The following ROBO2 variants were observed in gnomAD, a reference collection of about 807,000 sequenced individuals.
The protein encoded by ROBO2 is roundabout guidance receptor 2.
ROBO2 carries 53 observed loss-of-function variants against 160.8 expected under a neutral mutation model. The observed-to-expected ratio is 0.33, with a 90% CI of 0.26 to 0.41. The LOEUF is 0.41. Among genes scored for constraint, ROBO2 ranks in the 10% least tolerant of loss-of-function variants. The pLI, the probability that ROBO2 is intolerant of heterozygous loss-of-function variation, is 1.00. For synonymous variants in ROBO2, 664 were observed against 611.7 expected, an observed-to-expected ratio of 1.09 and a Z score of -1.26; for missense variants, 1,577 against 1,722.4, an observed-to-expected ratio of 0.92 and a Z score of 1.49.
rs1365567906 is a variant in ROBO2 at position 76,811,220 on chromosome 3, A to G, written c.110-286794A>G. ...TTGTGGTTGGATGATTTTGAGATAT[A>G]GAGTACTTGGTGAATGTCCAGCTTT... is the stretch of plus-strand genomic sequence containing the variant. On this transcript the variant is annotated intron_variant, in intron 2 of 26. Coordinates refer to the ROBO2 transcript ENST00000487694. Among the ~76,000 whole-genome samples the G allele has an allele frequency of 1.3e-5, 2 of 152,184 alleles. 1 individual carries two copies. The highest frequency in any genetic ancestry group is 4.1e-4 in the South Asian group (2 of 4,832).
At chr3:77,474,390 A>G (rs754483415) in intron 2 of ROBO2, among the ~76,000 whole-genome samples, 6 of 152,174 alleles carry the variant, frequency 3.9e-5, no homozygotes, top group Non-Finnish European at 8.8e-5. Flanking sequence ...GAAACATCAG[A>G]GGCAAAGGGG....
At chr3:76,208,839 C>T (rs1235954910) in intron 2 of ROBO2, among the ~76,000 whole-genome samples, 1 of 152,086 alleles carries the variant, frequency 6.6e-6, no homozygotes, top group Non-Finnish European at 1.5e-5. Context: ...GCTTCCAAAA[C>T]GACACTTTTG....
At chr3:76,193,214 T>C (rs758951193) in intron 2 of ROBO2, among the ~76,000 whole-genome samples, 2 of 152,188 alleles carry the variant, frequency 1.3e-5, no homozygotes, top group Non-Finnish European at 2.9e-5. Flanking sequence ...CACTCTTTCC[T>C]ACTCCCATGG....
chr3:76,042,350 G>A (rs150476692), intron 2 of ROBO2, among the ~76,000 whole-genome samples: 11 of 152,110 alleles, frequency 7.2e-5, no homozygotes, highest in African/African-American at 1.9e-4. Context: ...AGGTATGTGC[G>A]AATATCAGAG....
At chr3:77,037,948 T>C (rs2063735413), upstream of ROBO2, among the ~76,000 whole-genome samples, 1 of 152,236 alleles carries the variant, frequency 6.6e-6, no homozygotes, top group Non-Finnish European at 1.5e-5. Context: ...TTGCCCGAGA[T>C]AAGCTGGTGG....
chr3:77,220,747 G>C (rs2085673910), intron 2 of ROBO2, among the ~76,000 whole-genome samples: 1 of 152,078 alleles, frequency 6.6e-6, no homozygotes, highest in Non-Finnish European at 1.5e-5. Context: ...CTCATGAAGA[G>C]AGATTAGTAT....
intron 2 of ROBO2, among the ~76,000 whole-genome samples, chr3:76,013,994 TG>T (rs1275864285): frequency 1.3e-5 from 2 of 151,082 alleles, no homozygotes; most frequent in African/African-American, 2.4e-5. Context: ...ATTTGGAGGC[TG>T]GGCATGGTGG....
intron 2 of ROBO2, among the ~76,000 whole-genome samples, chr3:76,755,110 CTG>C (rs1375022159): frequency 1.3e-5 from 2 of 151,726 alleles, no homozygotes; most frequent in African/African-American, 4.8e-5. Flanking sequence ...AATAGTTTGA[CTG>C]TGTGTCTTTT....
chr3:76,676,117 G>T (rs1045768446), intron 2 of ROBO2, among the ~76,000 whole-genome samples: 1 of 152,112 alleles, frequency 6.6e-6, no homozygotes, highest in Non-Finnish European at 1.5e-5. Flanking sequence ...TAAAACAAGT[G>T]ATATGGTTTG....
intron 2 of ROBO2, among the ~76,000 whole-genome samples, chr3:76,714,015 C>G (rs1377019383): frequency 1.3e-5 from 2 of 151,292 alleles, no homozygotes; most frequent in Non-Finnish European, 3.0e-5. Flanking sequence ...TTGAAAAAAA[C>G]TGTACAGAAA....
At chr3:76,347,978 T>C (rs1424961579) in intron 2 of ROBO2, among the ~76,000 whole-genome samples, 7 of 152,172 alleles carry the variant, frequency 4.6e-5, no homozygotes, top group African/African-American at 1.7e-4. Context: ...AAGCTAAAAA[T>C]CCGTCAGTTA....
intron 10 of ROBO2, 42 bp from the exon 12 acceptor site, chr3:77,563,125 T>C: frequency 6.3e-7 from 1 of 1,598,586 alleles, no homozygotes; most frequent in Non-Finnish European, 8.6e-7. Flanking sequence ...ATTGTCAACT[T>C]ATGCAATCAG....
intron 1 of ROBO2, among the ~76,000 whole-genome samples, chr3:75,920,801 A>G (rs1483565784): frequency 6.6e-6 from 1 of 151,236 alleles, no homozygotes; most frequent in Non-Finnish European, 1.5e-5. Flanking sequence ...GTCCTTTTTT[A>G]TCTTTGTTGG....
At chr3:77,136,189 A>G (rs897430603) in intron 2 of ROBO2, among the ~76,000 whole-genome samples, 7 of 152,240 alleles carry the variant, frequency 4.6e-5, no homozygotes, top group Non-Finnish European at 7.3e-5. Context: ...GATCTGGAAT[A>G]TTATTCTTAA....
chr3:77,617,506 A>C lies in ROBO2; in HGVS notation c.3294-7A>C, dbSNP rs577944731. 6.2e-7 allele frequency: 1 copy of C among 1,614,090 alleles called. No homozygotes were observed. Among genetic ancestry groups the C allele is most frequent in the Non-Finnish European group, 8.5e-7 (1 of 1,179,990 alleles). The stretch of plus-strand genomic sequence containing the variant: ...TCAATGTGCATATTTTTCTCATTTA[A>C]TTTCAGCTATGACAGTGATAGCTGG... On this transcript the variant is annotated splice_region_variant and splice_polypyrimidine_tract_variant and intron_variant, in intron 21 of 25. Coordinates refer to ENST00000461745, the Ensembl canonical transcript of ROBO2.
At chr3:76,114,904 G>T (rs2070392368) in intron 2 of ROBO2, among the ~76,000 whole-genome samples, 1 of 152,080 alleles carries the variant, frequency 6.6e-6, no homozygotes, top group Non-Finnish European at 1.5e-5. Context: ...AATGCAAATT[G>T]TCTTGGGCAC....
intron 2 of ROBO2, among the ~76,000 whole-genome samples, chr3:76,254,879 T>C (rs1259566223): frequency 6.6e-6 from 1 of 152,044 alleles, no homozygotes; most frequent in Non-Finnish European, 1.5e-5. Context: ...CTAAGTAAAA[T>C]GTACCCAGGA....
In ROBO2 at chr3:76,649,028, A is replaced by G. The variant is rs534961956; in HGVS notation, c.110-448986A>G. On this transcript the variant is annotated intron_variant, in intron 2 of 26. Transcript: ENST00000487694. The stretch of plus-strand genomic sequence containing the variant: ...AGTTTAATGATGCAGTACGTCAGGA[A>G]ATGGAATCTCTTTCAGATATTGACT... Among the ~76,000 whole-genome samples, 140 of 152,134 alleles carry G rather than the reference A, an allele frequency of 9.2e-4. 1 individual carries two copies. The highest frequency in any genetic ancestry group is 1.2e-3 in the Non-Finnish European group (80 of 67,982).
chr3:76,072,396 A>G (rs1027546461), intron 2 of ROBO2, among the ~76,000 whole-genome samples: 2 of 152,122 alleles, frequency 1.3e-5, no homozygotes, highest in Admixed American at 6.5e-5. Flanking sequence ...AGCCAATGCT[A>G]TATATTTCTT....
Sources: allele counts gnomAD v4.1 joint callset (sites outside exome capture counted in the v4.1 genomes callset), GRCh38; gene constraint gnomAD v4.1.1; transcripts MANE v1.5; gene names NCBI Gene and HGNC (gene_info 2026-07-23, HGNC 2026-07-21).